Variants in CNTN5 observed in about 807,000 individuals in gnomAD.
The protein encoded by CNTN5 is contactin-5.
In CNTN5, 77 loss-of-function variants were observed where a neutral mutation model predicts 129.1. The observed-to-expected ratio is 0.60, with a 90% CI of 0.50 to 0.72. The LOEUF (loss-of-function observed/expected upper bound fraction) is 0.72. Ranked by LOEUF, CNTN5 falls within the 30% of genes least tolerant of loss-of-function variation. The pLI is 0.00. For synonymous variants in CNTN5, 509 were observed against 465.6 expected (o/e 1.09, Z -1.20); for missense variants, 1,478 against 1,328.8 (o/e 1.11, Z -1.75).
intron 9 of CNTN5, among the ~76,000 whole-genome samples, chr11:100,034,387 A>C (rs1941873006): frequency 6.6e-6 from 1 of 152,248 alleles, no homozygotes; most frequent in South Asian, 2.1e-4. Flanking sequence ...TATTCTATCC[A>C]GTATCAAGTC....
At chr11:99,956,527 T>C (rs191945964) in intron 7 of CNTN5, among the ~76,000 whole-genome samples, 7 of 152,290 alleles carry the variant, frequency 4.6e-5, no homozygotes, top group Admixed American at 3.3e-4. Flanking sequence ...TTTTCAGTGT[T>C]ATCATAGTTC....
At chr11:99,121,237 T>C (rs1304276633) in intron 1 of CNTN5, among the ~76,000 whole-genome samples, 3 of 151,498 alleles carry the variant, frequency 2.0e-5, no homozygotes, top group African/African-American at 7.3e-5. Context: ...TGGGTTCAAG[T>C]GATTCTCCTG....
chr11:99,619,914 T>A (rs892171021), intron 3 of CNTN5, among the ~76,000 whole-genome samples: 2 of 150,618 alleles, frequency 1.3e-5, no homozygotes, highest in Non-Finnish European at 2.9e-5. Flanking sequence ...TAGTCCCAGC[T>A]ACTCGGAAGG....
intron 3 of CNTN5, among the ~76,000 whole-genome samples, chr11:99,817,045 G>T (rs552760717): frequency 1.3e-5 from 2 of 152,094 alleles, no homozygotes; most frequent in Admixed American, 6.5e-5. Context: ...CTACCCATGC[G>T]GGGAGCCCAT....
intron 13 of CNTN5, among the ~76,000 whole-genome samples, chr11:100,089,930 C>G (rs147193347): frequency 1.3e-5 from 2 of 152,068 alleles, no homozygotes; most frequent in Non-Finnish European, 2.9e-5. Flanking sequence ...GGAAAAGTAG[C>G]TAATGCATGC....
At chr11:99,715,840 A>G (rs1409667320) in intron 3 of CNTN5, among the ~76,000 whole-genome samples, 2 of 151,960 alleles carry the variant, frequency 1.3e-5, no homozygotes, top group East Asian at 1.9e-4. Flanking sequence ...TGTCTAATAT[A>G]TTGGGAAAGG....
intron 2 of CNTN5, among the ~76,000 whole-genome samples, chr11:99,330,864 A>G (rs745721708): frequency 6.6e-6 from 1 of 152,116 alleles, no homozygotes; most frequent in Non-Finnish European, 1.5e-5. Flanking sequence ...CTTTTTAATT[A>G]AAATACCTAA....
At chr11:100,212,202 A>G (rs377760224) in intron 15 of CNTN5, among the ~76,000 whole-genome samples, 2 of 152,102 alleles carry the variant, frequency 1.3e-5, no homozygotes, top group South Asian at 2.1e-4. Context: ...TTATCACTCA[A>G]TAATAATCTT....
At chr11:100,062,154 A>G (rs184646235) in intron 10 of CNTN5, among the ~76,000 whole-genome samples, 2 of 152,234 alleles carry the variant, frequency 1.3e-5, no homozygotes, top group East Asian at 3.9e-4. Context: ...GGGTATTCTC[A>G]TTTTCTAGGT....
chr11:100,216,487 T>C (rs1233563438), intron 15 of CNTN5, among the ~76,000 whole-genome samples: 1 of 152,088 alleles, frequency 6.6e-6, no homozygotes, highest in Admixed American at 6.6e-5. Flanking sequence ...GGCCAATTCT[T>C]TTTCCACTAA....
At chr11:100,094,860 G>A (rs10501945) in intron 13 of CNTN5, among the ~76,000 whole-genome samples, 6,265 of 151,956 alleles carry the variant, frequency 0.041, 421 homozygotes, top group African/African-American at 0.14. Context: ...ATTTATGCTT[G>A]TTTGAGGAAA....
intron 2 of CNTN5, among the ~76,000 whole-genome samples, chr11:99,499,314 C>G (rs760170330): frequency 6.6e-6 from 1 of 152,058 alleles, no homozygotes; most frequent in Admixed American, 6.6e-5. Flanking sequence ...AGTATGTAGA[C>G]GTGAGGATTT....
chr11:99,358,159 G>A (rs779977821), intron 2 of CNTN5, among the ~76,000 whole-genome samples: 14 of 138,090 alleles, frequency 1.0e-4, no homozygotes, highest in Admixed American at 2.2e-4. Flanking sequence ...CGCGATCTCG[G>A]CTCACTGCAA....
intron 3 of CNTN5, among the ~76,000 whole-genome samples, chr11:99,733,940 C>T (rs1475609976): frequency 6.6e-6 from 1 of 152,030 alleles, no homozygotes; most frequent in Non-Finnish European, 1.5e-5. Context: ...TGCTTTTTTT[C>T]CCCAGCAGAG....
At chr11:99,616,574 T>G (rs1950766542) in intron 3 of CNTN5, among the ~76,000 whole-genome samples, 1 of 152,176 alleles carries the variant, frequency 6.6e-6, no homozygotes, top group Non-Finnish European at 1.5e-5. Flanking sequence ...TATAATCTAG[T>G]AGAGAATGTG....
At chr11:99,329,072 A>T (rs1374934264) in intron 2 of CNTN5, among the ~76,000 whole-genome samples, 1 of 152,086 alleles carries the variant, frequency 6.6e-6, no homozygotes, top group Non-Finnish European at 1.5e-5. Context: ...TTGGATATCG[A>T]TGGATTATTT....
At chr11:100,079,862 T>C (rs2137921992) in intron 13 of CNTN5, among the ~76,000 whole-genome samples, 1 of 152,260 alleles carries the variant, frequency 6.6e-6, no homozygotes, top group Admixed American at 6.5e-5. Flanking sequence ...ATCAAACTCA[T>C]ATTGGATTTT....
At chr11:100,118,993 T>C (rs1276631026) in intron 13 of CNTN5, among the ~76,000 whole-genome samples, 2 of 151,684 alleles carry the variant, frequency 1.3e-5, no homozygotes, top group East Asian at 3.9e-4. Flanking sequence ...TTTTCTACAT[T>C]AACCATGTCA....
chr11:99,628,487 C>T (rs1393550516), intron 3 of CNTN5, among the ~76,000 whole-genome samples: 1 of 151,838 alleles, frequency 6.6e-6, no homozygotes, highest in Admixed American at 6.6e-5. Context: ...AACTGGTCTC[C>T]CAGTTGGCTG....
Sources: gnomAD v4.1 joint callset for allele counts (sites outside exome capture counted in the v4.1 genomes callset) on GRCh38, gnomAD v4.1.1 for gene constraint, MANE v1.5 for transcripts, NCBI Gene and HGNC (gene_info 2026-07-23, HGNC 2026-07-21) for gene names.